The following TANC2 variants were observed in gnomAD, a reference collection of about 807,000 sequenced individuals.
The protein encoded by TANC2 is protein TANC2.
TANC2 carries 26 observed loss-of-function variants against 210.5 expected under a neutral mutation model. The observed-to-expected ratio is 0.12, with a 90% CI of 0.09 to 0.17. TANC2 has a LOEUF of 0.17. Among genes scored for constraint, TANC2 ranks in the 10% least tolerant of loss-of-function variants. The pLI, the probability that TANC2 is intolerant of heterozygous loss-of-function variation, is 1.00. For missense variants in TANC2, 2,129 were observed against 2,608.9 expected (o/e 0.82, Z 4.01); for synonymous variants, 931 against 967.1 (o/e 0.96, Z 0.69).
chr17:63,118,256 A>AT (rs1011916949), intron 4 of TANC2, among the ~76,000 whole-genome samples: 2 of 152,030 alleles, frequency 1.3e-5, no homozygotes, highest in African/African-American at 2.4e-5. Context: ...TAGTTTAAGA[A>AT]TTTTTTTTAA....
chr17:63,070,241 C>A (rs1255211198), intron 2 of TANC2, among the ~76,000 whole-genome samples: 1 of 152,146 alleles, frequency 6.6e-6, no homozygotes, highest in Non-Finnish European at 1.5e-5. Context: ...AAATCTCTTT[C>A]ACAGTGCATT....
chr17:63,167,439 GTTATTTTCTT>G (rs1474600551), intron 5 of TANC2, among the ~76,000 whole-genome samples: 1 of 152,064 alleles, frequency 6.6e-6, no homozygotes, highest in African/African-American at 2.4e-5. Context: ...TACAGTGAAT[GTTATTTTCTT>G]TTGTTTTCTA....
intron 1 of TANC2, among the ~76,000 whole-genome samples, chr17:62,968,905 A>C (rs1205094763): frequency 1.3e-5 from 2 of 152,164 alleles, no homozygotes; most frequent in Non-Finnish European, 2.9e-5. Flanking sequence ...AAGAGGGTGC[A>C]ATACAATTAC....
intron 16 of TANC2, among the ~76,000 whole-genome samples, 197 bp downstream of exon 16, chr17:63,388,954 A>G (rs1041789297): frequency 6.6e-6 from 1 of 152,222 alleles, no homozygotes. Context: ...CTTAACTTCT[A>G]TAAGCTGACT....
At chr17:63,049,349 A>G (rs1301297535) in intron 2 of TANC2, among the ~76,000 whole-genome samples, 13 of 152,206 alleles carry the variant, frequency 8.5e-5, no homozygotes. Context: ...GAAGAAGTAA[A>G]AAATGTGTAT....
chr17:63,111,300 C>T (rs1167046332), intron 4 of TANC2, among the ~76,000 whole-genome samples: 1 of 151,982 alleles, frequency 6.6e-6, no homozygotes, highest in Admixed American at 6.6e-5. Context: ...CTCTGTCTCC[C>T]TGCCAAAAAA....
At chr17:63,247,397 T>C (rs1386333047) in intron 8 of TANC2, among the ~76,000 whole-genome samples, 1 of 152,092 alleles carries the variant, frequency 6.6e-6, no homozygotes, top group East Asian at 1.9e-4. Context: ...CTTTACGACA[T>C]TGGGGTTTGT....
chr17:62,981,736 C>A (rs1186137463), intron 1 of TANC2, among the ~76,000 whole-genome samples: 2 of 152,156 alleles, frequency 1.3e-5, no homozygotes, highest in Admixed American at 1.3e-4. Flanking sequence ...CATTTTTGAG[C>A]AACTAGCTAA....
intron 8 of TANC2, among the ~76,000 whole-genome samples, chr17:63,247,042 A>C (rs2042937661): frequency 6.6e-6 from 1 of 152,066 alleles, no homozygotes; most frequent in Non-Finnish European, 1.5e-5. Context: ...AATGACTGCT[A>C]ATGTTGAGCT....
chr17:63,092,667 G>A (rs1265988281), intron 3 of TANC2, among the ~76,000 whole-genome samples: 1 of 152,054 alleles, frequency 6.6e-6, no homozygotes, highest in South Asian at 2.1e-4. Flanking sequence ...CTCACATGGC[G>A]GGAGCAGGAG....
intron 3 of TANC2, among the ~76,000 whole-genome samples, chr17:63,096,518 T>C (rs1407100815): frequency 6.6e-6 from 1 of 152,190 alleles, no homozygotes; most frequent in Admixed American, 6.5e-5. Context: ...GTCTTTTGTG[T>C]CTGGCTTCTT....
At chr17:63,070,505 C>G (rs1437294744) in intron 2 of TANC2, among the ~76,000 whole-genome samples, 2 of 152,182 alleles carry the variant, frequency 1.3e-5, no homozygotes, top group Admixed American at 1.3e-4. Flanking sequence ...GCCTTACTCT[C>G]AAGTCATTCA....
chr17:63,360,228 A>C (rs2046918039), intron 14 of TANC2, among the ~76,000 whole-genome samples: 1 of 152,210 alleles, frequency 6.6e-6, no homozygotes, highest in Non-Finnish European at 1.5e-5. Flanking sequence ...GATGACAATT[A>C]ACCTTACCCT....
intron 5 of TANC2, chr17:63,151,636 G>A (rs2039656047): frequency 6.5e-6 from 1 of 152,730 alleles, no homozygotes; most frequent in African/African-American, 2.4e-5. Flanking sequence ...TAGATAAGTA[G>A]TTTTAGGTAA....
chr17:62,979,942 GC>G (rs2032216596), intron 1 of TANC2, among the ~76,000 whole-genome samples: 2 of 152,116 alleles, frequency 1.3e-5, no homozygotes, highest in South Asian at 4.1e-4. Flanking sequence ...TGAGTGAATG[GC>G]AGCTTGCTTT....
chr17:63,116,527 G>A (rs912491731), intron 4 of TANC2, among the ~76,000 whole-genome samples: 7 of 152,308 alleles, frequency 4.6e-5, no homozygotes, highest in Admixed American at 3.3e-4. Context: ...AGTGATTGAC[G>A]GAGAAGTTTT....
chr17:63,195,865 T>A (rs2041329276), intron 6 of TANC2, among the ~76,000 whole-genome samples: 1 of 152,180 alleles, frequency 6.6e-6, no homozygotes, highest in African/African-American at 2.4e-5. Flanking sequence ...AGCCACTTGC[T>A]ACCTCTCCTA....
chr17:63,050,908 T>C (rs937844169), intron 2 of TANC2, among the ~76,000 whole-genome samples: 1 of 152,254 alleles, frequency 6.6e-6, no homozygotes, highest in African/African-American at 2.4e-5. Flanking sequence ...TGCAATTCTG[T>C]GTCCTAAATA....
chr17:63,145,306 T>C (rs1303734177), intron 4 of TANC2, among the ~76,000 whole-genome samples: 4 of 152,130 alleles, frequency 2.6e-5, no homozygotes, highest in Non-Finnish European at 5.9e-5. Context: ...TATCTCTCCT[T>C]CTACCCTTCT....
Sources: allele counts gnomAD v4.1 joint callset (sites outside exome capture counted in the v4.1 genomes callset), GRCh38; gene constraint gnomAD v4.1.1; transcripts MANE v1.5; gene names NCBI Gene and HGNC (gene_info 2026-07-23, HGNC 2026-07-21).